TANGO6: variants seen among roughly 807,000 people sequenced by gnomAD.
The protein encoded by TANGO6 is transport and Golgi organization protein 6 homolog.
In TANGO6, 90 loss-of-function variants were observed where a neutral mutation model predicts 114.2. The ratio of observed to expected loss-of-function variants is 0.79; its 90% CI spans 0.66 to 0.94. The LOEUF is 0.94. Ranked by LOEUF, TANGO6 falls within the 40% of genes least tolerant of loss-of-function variation. The probability of loss-of-function intolerance (pLI) is 0.00; values close to 1 mark genes in which losing one functional copy is unlikely to be tolerated. For synonymous variants in TANGO6, 477 were observed against 509.8 expected (o/e 0.94, Z 0.87); for missense variants, 1,274 against 1,315.3 (o/e 0.97, Z 0.49).
Position 68,991,950 on chromosome 16 carries a change from A to G in TANGO6, c.2842+17782A>G, listed in dbSNP as rs766320708. ...GGAATGGCTGTGAAAATGGTGAGAAAATGTGAATACTATAGGCAATTCAGA... is the reference window on the plus strand; with the variant it reads ...GGAATGGCTGTGAAAATGGTGAGAAGATGTGAATACTATAGGCAATTCAGA... On this transcript the variant is annotated intron_variant, in intron 15 of 17. Coordinates refer to ENST00000261778, the MANE Select transcript of TANGO6 (RefSeq NM_024562.2). Among the ~76,000 whole-genome samples, 93 of 152,290 alleles carry G rather than the reference A, an allele frequency of 6.1e-4. 1 individual carries two copies. Among genetic ancestry groups the G allele is most frequent in the Non-Finnish European group, 1.2e-3 (84 of 68,030 alleles).
chr16:69,040,992 C>A (rs895872161), intron 17 of TANGO6, among the ~76,000 whole-genome samples: 2 of 151,870 alleles, frequency 1.3e-5, no homozygotes, highest in Non-Finnish European at 2.9e-5. Context: ...TGAGAATGAG[C>A]GACCTCTAAA....
intron 17 of TANGO6, among the ~76,000 whole-genome samples, chr16:69,079,600 T>A (rs560528397): frequency 2.6e-5 from 4 of 152,038 alleles, no homozygotes; most frequent in African/African-American, 9.6e-5. Flanking sequence ...TTTTTACGAA[T>A]CATTAAGGAG....
At chr16:68,896,164 AC>A (rs1962701148) in intron 7 of TANGO6, among the ~76,000 whole-genome samples, 1 of 151,374 alleles carries the variant, frequency 6.6e-6, no homozygotes, top group African/African-American at 2.4e-5. Context: ...ACCCCACCAC[AC>A]CTGGCTAGTT....
intron 14 of TANGO6, among the ~76,000 whole-genome samples, chr16:68,936,933 C>T (rs1303173552): frequency 6.6e-6 from 1 of 152,202 alleles, no homozygotes; most frequent in Non-Finnish European, 1.5e-5. Context: ...CTTCCACCCT[C>T]TTCCTTTCAG....
chr16:68,885,373 A>G, intron 7 of TANGO6, among the ~76,000 whole-genome samples: 1 of 152,152 alleles, frequency 6.6e-6, no homozygotes, highest in East Asian at 1.9e-4. Flanking sequence ...AGGGTTTTGC[A>G]ACCATTGTCA....
rs561601336 is a variant in TANGO6 at position 68,913,477 on chromosome 16, C to T, written c.1992+4075C>T. On this transcript the variant is annotated intron_variant, in intron 11 of 17. Coordinates refer to ENST00000261778, the MANE Select transcript of TANGO6 (RefSeq NM_024562.2). ...AGGCTGGAGTGCAGCAGCGCAATCT[C>T]GGCTTACTGCAACCTCTGCCTCCCG... Among the ~76,000 whole-genome samples the T allele has an allele frequency of 5.0e-4, 74 of 147,028 alleles. 3 individuals are homozygous for T. The South Asian group carries it at 0.016, about 32-fold the overall frequency.
At chr16:68,886,566 T>C (rs1962541934) in intron 7 of TANGO6, among the ~76,000 whole-genome samples, 1 of 152,060 alleles carries the variant, frequency 6.6e-6, no homozygotes, top group Admixed American at 6.6e-5. Flanking sequence ...TGGAGTGCAA[T>C]GGCATGATCT....
chr16:68,979,337 C>A (rs1167088252), intron 15 of TANGO6, among the ~76,000 whole-genome samples: 1 of 152,056 alleles, frequency 6.6e-6, no homozygotes, highest in African/African-American at 2.4e-5. Flanking sequence ...TCAAGGGATT[C>A]TCCAGCCTCA....
intron 7 of TANGO6, among the ~76,000 whole-genome samples, chr16:68,891,801 AGAAG>A (rs1259624450): frequency 6.9e-6 from 1 of 145,228 alleles, no homozygotes; most frequent in African/African-American, 2.5e-5. Flanking sequence ...AAGAAAGGAA[AGAAG>A]GAAGGGAAGG....
intron 15 of TANGO6, among the ~76,000 whole-genome samples, chr16:68,996,256 T>G (rs1259563012): frequency 6.6e-6 from 1 of 152,220 alleles, no homozygotes; most frequent in Non-Finnish European, 1.5e-5. Context: ...GCATTTAAAT[T>G]ATTTAATTCT....
chr16:69,074,813 T>TGTGA (rs1453563034), intron 17 of TANGO6, among the ~76,000 whole-genome samples: 2 of 146,420 alleles, frequency 1.4e-5, no homozygotes, highest in Non-Finnish European at 3.0e-5. Context: ...TGTGTGTGTG[T>TGTGA]GTGTGTGTGT....
chr16:69,077,960 C>T (rs1452499874), intron 17 of TANGO6, among the ~76,000 whole-genome samples: 3 of 152,072 alleles, frequency 2.0e-5, no homozygotes, highest in Non-Finnish European at 4.4e-5. Flanking sequence ...TTTTATACCA[C>T]CAGCCTGCCC....
At chr16:69,079,933 A>G (rs1046943421) in intron 17 of TANGO6, among the ~76,000 whole-genome samples, 10 of 152,348 alleles carry the variant, frequency 6.6e-5, no homozygotes, top group African/African-American at 2.4e-4. Context: ...ATCAGAATGC[A>G]TATTGCACTG....
intron 1 of TANGO6, among the ~76,000 whole-genome samples, chr16:68,852,350 G>A (rs1440941743): frequency 6.6e-6 from 1 of 152,072 alleles, no homozygotes; most frequent in African/African-American, 2.4e-5. Flanking sequence ...AAATCATGCA[G>A]TATTGGACAT....
intron 17 of TANGO6, among the ~76,000 whole-genome samples, chr16:69,047,129 C>T (rs1454982840): frequency 2.1e-5 from 3 of 145,750 alleles, no homozygotes; most frequent in East Asian, 2.1e-4. Context: ...TGCAGTGAGC[C>T]GAGATTGTGC....
chr16:68,925,952 C>T (rs1254449683), intron 12 of TANGO6, among the ~76,000 whole-genome samples: 2 of 148,594 alleles, frequency 1.3e-5, no homozygotes, highest in African/African-American at 4.9e-5. Context: ...AGCCTTTGCT[C>T]CTTTGTCAAA....
intron 14 of TANGO6, among the ~76,000 whole-genome samples, chr16:68,936,425 C>A (rs558397860): frequency 1.6e-4 from 25 of 152,188 alleles, no homozygotes; most frequent in African/African-American, 5.5e-4. Flanking sequence ...TTCCACCTCC[C>A]GGGTTCAAGC....
At chr16:68,981,303 C>T (rs189745598) in intron 15 of TANGO6, among the ~76,000 whole-genome samples, 1 of 148,638 alleles carries the variant, frequency 6.7e-6, no homozygotes, top group Non-Finnish European at 1.5e-5. Context: ...CTCTGCCTTC[C>T]GGGTTCAAGC....
chr16:68,936,478 G>A (rs1343843288), intron 14 of TANGO6, among the ~76,000 whole-genome samples: 2 of 151,942 alleles, frequency 1.3e-5, no homozygotes, highest in African/African-American at 4.8e-5. Context: ...GACTACAGGT[G>A]CCCACCACCA....
Sources: gnomAD v4.1 joint callset for allele counts (sites outside exome capture counted in the v4.1 genomes callset) on GRCh38, gnomAD v4.1.1 for gene constraint, MANE v1.5 for transcripts, NCBI Gene and HGNC (gene_info 2026-07-23, HGNC 2026-07-21) for gene names.